Variants in PARL observed in about 807,000 individuals in gnomAD.
PARL encodes presenilin-associated rhomboid-like protein, mitochondrial.
PARL carries 44 observed loss-of-function variants against 51.6 expected under a neutral mutation model. The ratio of observed to expected loss-of-function variants is 0.85; its 90% CI spans 0.67 to 1.10. The LOEUF (loss-of-function observed/expected upper bound fraction) is 1.10. Among genes scored for constraint, PARL ranks in the 50% least tolerant of loss-of-function variants. The probability of loss-of-function intolerance (pLI) is 0.00; values close to 1 mark genes in which losing one functional copy is unlikely to be tolerated. For synonymous variants in PARL, 172 were observed against 164.0 expected, an observed-to-expected ratio of 1.05 and a Z score of -0.37; for missense variants, 441 against 469.5, an observed-to-expected ratio of 0.94 and a Z score of 0.56.
intron 5 of PARL, 100 bp from the exon 6 acceptor site, chr3:183,842,547 C>A: frequency 9.1e-7 from 1 of 1,097,040 alleles, no homozygotes; most frequent in Non-Finnish European, 1.4e-6. Context: ...CAGTGGCTCA[C>A]GCCTGTAATC....
In PARL at chr3:183,838,297, G is replaced by C. The variant is rs879890940; in HGVS notation, c.828+2273C>G. Among the ~76,000 whole-genome samples, 168 of 152,274 alleles carry C rather than the reference G, an allele frequency of 1.1e-3. 1 individual carries two copies. The highest frequency in any genetic ancestry group is 5.6e-4 in the Non-Finnish European group (38 of 68,032). ...CCTGCCGTGGCTCCCAAAGTGTTGG[G>C]CCTACAGGCGTGAGCCACTGTGCCT... On this transcript the variant is annotated intron_variant, in intron 7 of 9. Coordinates refer to ENST00000317096, the MANE Select transcript of PARL (RefSeq NM_018622.7).
intron 4 of PARL, among the ~76,000 whole-genome samples, chr3:183,846,835 T>C (rs1234348502): frequency 6.6e-6 from 1 of 152,250 alleles, no homozygotes; most frequent in Non-Finnish European, 1.5e-5. Flanking sequence ...CATACTTTCT[T>C]CTTTGTAAAC....
chr3:183,833,835 A>AAC lies in PARL; in HGVS notation c.829-12_829-11dup. 6 of 1,568,622 alleles carry AAC rather than the reference A, an allele frequency of 3.8e-6. No individual in the cohort carries two copies. The highest frequency in any genetic ancestry group is 5.3e-6 in the Non-Finnish European group (6 of 1,138,294). On this transcript the variant is annotated splice_polypyrimidine_tract_variant and intron_variant, in intron 7 of 9. Coordinates refer to ENST00000317096, the MANE Select transcript of PARL (RefSeq NM_018622.7). ...TCATGATGGCACCAGACTGCAAAGT[A>AAC]ACACAGCAGGGAGAATGGGAAACTC...
intron 1 of PARL, among the ~76,000 whole-genome samples, chr3:183,882,553 C>T (rs867143072): frequency 6.6e-6 from 1 of 151,952 alleles, no homozygotes; most frequent in Admixed American, 6.6e-5. Context: ...TTTCATATAA[C>T]TGGCAAATTA....
chr3:183,866,554 G>T, intron 3 of PARL, 71 bp downstream of exon 3: 2 of 1,228,110 alleles, frequency 1.6e-6, no homozygotes, highest in Non-Finnish European at 2.4e-6. Flanking sequence ...CTGAAAACAC[G>T]TGCATCTATT....
intron 4 of PARL, among the ~76,000 whole-genome samples, chr3:183,851,136 A>G (rs1000900292): frequency 1.3e-5 from 2 of 152,236 alleles, no homozygotes; most frequent in African/African-American, 4.8e-5. Flanking sequence ...TCAAATCTCA[A>G]ATACAAACAT....
rs535922902 is a variant in PARL, at chr3:183,842,561, G to A, written c.608-114C>T. On this transcript the variant is annotated intron_variant, in intron 5 of 9. Transcript: ENST00000317096. ...GCAGTGGCTCACGCCTGTAATCCCA[G>A]CACTTTGGGAGGCCAAGGCAGGCGG... 1.1e-4 allele frequency: 103 copies of A among 976,864 alleles called. 2 individuals are homozygous for A. In the South Asian group the frequency reaches 1.3e-3, roughly 13 times the overall value. The allele number at this position is 976,864 out of a possible 1,614,324, so 60.5% of individuals were successfully genotyped here.
chr3:183,874,322 T>A (rs537957985), intron 1 of PARL, among the ~76,000 whole-genome samples: 4 of 152,012 alleles, frequency 2.6e-5, no homozygotes, highest in Non-Finnish European at 5.9e-5. Context: ...ATATTGACAC[T>A]GGTCAATTAA....
rs1278456130 is a variant in PARL at position 183,884,785 on chromosome 3, A to G, written c.62T>C (p.Val21Ala). The G allele has an allele frequency of 6.3e-7, 1 of 1,591,008 alleles. No homozygotes were observed. The highest frequency in any genetic ancestry group is 8.5e-7 in the Non-Finnish European group (1 of 1,175,238). ...GAGCTCCTCGCAGCTGCGGCCGCCC[A>G]CCGACGCACCCCACGCCTGGCCGCA... ...WGCGQAWGAS[V>A]GGRSCEELTA... The change falls in exon 1 of 10, where the codon GTG becomes GCG. Residue 21 changes from valine (V) to alanine (A), a missense_variant. Coordinates refer to ENST00000317096, the MANE Select transcript of PARL (RefSeq NM_018622.7).
chr3:183,862,934 T>C (rs1732011329), intron 3 of PARL, 133 bp from the exon 4 acceptor site: 1 of 755,916 alleles, frequency 1.3e-6, no homozygotes, highest in Non-Finnish European at 2.3e-6. Context: ...ACAGACATAA[T>C]AAATACGTGG....
intron 4 of PARL, among the ~76,000 whole-genome samples, chr3:183,846,284 G>C (rs573517652): frequency 6.6e-6 from 1 of 151,998 alleles, no homozygotes; most frequent in Non-Finnish European, 1.5e-5. Flanking sequence ...ACCTGAGGTC[G>C]GGAGTTCGAG....
intron 1 of PARL, among the ~76,000 whole-genome samples, chr3:183,882,227 A>ATG (rs1734556224): frequency 4.1e-5 from 2 of 48,410 alleles, no homozygotes; most frequent in South Asian, 6.6e-4. Flanking sequence ...AAAAAAATAT[A>ATG]TATATATATA....
chr3:183,872,798 A>ATT (rs1733365068), intron 1 of PARL, among the ~76,000 whole-genome samples: 1 of 152,190 alleles, frequency 6.6e-6, no homozygotes, highest in African/African-American at 2.4e-5. Flanking sequence ...CACGTCACTG[A>ATT]TGTCAAGCAC....
chr3:183,831,706 T>C (rs1577268862), intron 9 of PARL, among the ~76,000 whole-genome samples: 2 of 152,132 alleles, frequency 1.3e-5, no homozygotes, highest in African/African-American at 2.4e-5. Flanking sequence ...TGGATACTAA[T>C]GGAGTCTTTA....
intron 1 of PARL, among the ~76,000 whole-genome samples, chr3:183,882,252 T>A (rs1163805967): frequency 8.1e-4 from 33 of 40,798 alleles, no homozygotes; most frequent in African/African-American, 2.1e-3. Context: ...TATTTATATA[T>A]ATATATATAT....
chr3:183,878,854 A>G (rs1734131863), intron 1 of PARL, among the ~76,000 whole-genome samples: 1 of 152,220 alleles, frequency 6.6e-6, no homozygotes, highest in Non-Finnish European at 1.5e-5. Context: ...TCACACGTTT[A>G]AAGAGTTGTT....
intron 1 of PARL, among the ~76,000 whole-genome samples, chr3:183,873,430 T>A (rs1212096347): frequency 1.3e-5 from 2 of 151,924 alleles, no homozygotes; most frequent in East Asian, 3.9e-4. Flanking sequence ...TCCCAGCTAC[T>A]CAGGAAGCTA....
chr3:183,830,999 CAG>C (rs756109994), intron 9 of PARL, among the ~76,000 whole-genome samples: 3 of 152,162 alleles, frequency 2.0e-5, no homozygotes, highest in Non-Finnish European at 4.4e-5. Context: ...TGTTGTTAGA[CAG>C]AGTCGCGCTC....
At chr3:183,882,966 CT>C (rs1183324150) in intron 1 of PARL, among the ~76,000 whole-genome samples, 11 of 152,178 alleles carry the variant, frequency 7.2e-5, no homozygotes, top group Admixed American at 2.6e-4. Flanking sequence ...ATACTATTAA[CT>C]TTAAGAACTT....
Sources: gnomAD v4.1 joint callset for allele counts (sites outside exome capture counted in the v4.1 genomes callset) on GRCh38, gnomAD v4.1.1 for gene constraint, MANE v1.5 for transcripts, NCBI Gene and HGNC (gene_info 2026-07-23, HGNC 2026-07-21) for gene names.